Variants in NAALADL2 observed in about 807,000 individuals in gnomAD.
NAALADL2 encodes the protein inactive N-acetylated-alpha-linked acidic dipeptidase-like protein 2.
A neutral mutation model predicts 87.2 loss-of-function variants in NAALADL2; 76 were observed. That is an observed-to-expected ratio of 0.87 (90% CI 0.72 to 1.05). The LOEUF is 1.05. Ranked by LOEUF, NAALADL2 falls within the 50% of genes least tolerant of loss-of-function variation. The probability of loss-of-function intolerance (pLI) is 0.00; values close to 1 mark genes in which losing one functional copy is unlikely to be tolerated. For missense variants in NAALADL2, 1,089 were observed against 945.8 expected, an observed-to-expected ratio of 1.15 and a Z score of -1.99; for synonymous variants, 354 against 331.0, an observed-to-expected ratio of 1.07 and a Z score of -0.75.
At chr3:174,934,057 T>C (rs184868656) in intron 1 of NAALADL2, among the ~76,000 whole-genome samples, 54 of 152,242 alleles carry the variant, frequency 3.5e-4, no homozygotes, top group Admixed American at 5.9e-4. Flanking sequence ...TTAAATAATA[T>C]CTGTAAATGA....
intron 1 of NAALADL2, among the ~76,000 whole-genome samples, chr3:174,498,802 C>T (rs1333715246): frequency 6.6e-6 from 1 of 151,574 alleles, no homozygotes; most frequent in Non-Finnish European, 1.5e-5. Flanking sequence ...TAGTGGTATC[C>T]CTTTGTGGTT....
intron 1 of NAALADL2, among the ~76,000 whole-genome samples, chr3:175,093,816 A>G (rs915635125): frequency 1.3e-5 from 2 of 151,888 alleles, no homozygotes; most frequent in African/African-American, 4.8e-5. Context: ...AAGTGGTAGT[A>G]AGGGTGTCAG....
intron 1 of NAALADL2, among the ~76,000 whole-genome samples, chr3:174,550,121 G>GA: frequency 6.6e-6 from 1 of 152,038 alleles, no homozygotes; most frequent in East Asian, 1.9e-4. Context: ...AAATGTTAAT[G>GA]AAAAGCAATC....
chr3:174,841,944 G>C (rs1300122453), intron 3 of NAALADL2, among the ~76,000 whole-genome samples: 2 of 151,652 alleles, frequency 1.3e-5, no homozygotes, highest in East Asian at 3.9e-4. Context: ...ACAATTAATC[G>C]TTATATGTAA....
intron 1 of NAALADL2, among the ~76,000 whole-genome samples, chr3:174,921,134 CAT>C (rs369389600): frequency 1.7e-4 from 26 of 152,224 alleles, no homozygotes; most frequent in African/African-American, 5.3e-4. Context: ...GAAATGAGCA[CAT>C]GCTATTGGAA....
intron 3 of NAALADL2, among the ~76,000 whole-genome samples, chr3:174,778,541 G>A (rs520771): frequency 0.28 from 43,109 of 151,732 alleles, 6,231 homozygotes; most frequent in Middle Eastern, 0.34. Context: ...GTGCAGGTTT[G>A]TTACATGGGT....
At position 175,471,688 on chromosome 3, in the gene NAALADL2, ACAGTCC is replaced by A; in HGVS notation, c.1586_1591del (p.Ser529_Pro530del). On this transcript the variant is annotated inframe_deletion, in exon 9 of 14. Coordinates refer to ENST00000454872, the MANE Select transcript of NAALADL2 (RefSeq NM_207015.3). ...AATGTTGTGGCTTATATTAGCCTCC[ACAGTCC>A]CATAAGGGGGAACTCTAGTCTGTAT... is the stretch of plus-strand genomic sequence containing the variant. The A allele has an allele frequency of 1.3e-6, 2 of 1,586,062 alleles. No individual in the cohort carries two copies. Among genetic ancestry groups the A allele is most frequent in the Admixed American group, 1.7e-5 (1 of 58,938 alleles).
At chr3:175,714,442 G>A (rs1302426943) in intron 11 of NAALADL2, among the ~76,000 whole-genome samples, 1 of 152,030 alleles carries the variant, frequency 6.6e-6, no homozygotes, top group Non-Finnish European at 1.5e-5. Flanking sequence ...AGGAGATGGT[G>A]TCTCATTGTG....
At chr3:174,679,780 T>C (rs891563086) in intron 2 of NAALADL2, among the ~76,000 whole-genome samples, 1 of 152,332 alleles carries the variant, frequency 6.6e-6, no homozygotes, top group East Asian at 1.9e-4. Context: ...TAAAATAATA[T>C]ATTGCAAAAT....
At chr3:174,645,829 G>A (rs1723723618) in intron 2 of NAALADL2, among the ~76,000 whole-genome samples, 1 of 152,104 alleles carries the variant, frequency 6.6e-6, no homozygotes, top group Admixed American at 6.5e-5. Flanking sequence ...GATTCAGAAT[G>A]ATATTGCCAT....
upstream of NAALADL2, among the ~76,000 whole-genome samples, chr3:174,855,491 T>C (rs570374769): frequency 6.6e-6 from 1 of 152,256 alleles, no homozygotes; most frequent in Admixed American, 6.5e-5. Flanking sequence ...ACTCTTAATG[T>C]TTTGCTCTTG....
At chr3:175,564,107 C>G (rs1253203385) in intron 9 of NAALADL2, among the ~76,000 whole-genome samples, 1 of 152,038 alleles carries the variant, frequency 6.6e-6, no homozygotes, top group Admixed American at 6.5e-5. Flanking sequence ...CATCCTTTTG[C>G]CCTTCTGTTT....
chr3:174,694,900 C>T (rs1486153342), intron 2 of NAALADL2, among the ~76,000 whole-genome samples: 1 of 151,982 alleles, frequency 6.6e-6, no homozygotes. Context: ...CCAACAAGCC[C>T]TCTCCCAAAT....
At chr3:175,463,731 A>AGG (rs57664387) in intron 7 of NAALADL2, among the ~76,000 whole-genome samples, 1 of 151,758 alleles carries the variant, frequency 6.6e-6, no homozygotes, top group African/African-American at 2.4e-5. Context: ...AGAGAGAGAG[A>AGG]GAGAGGTGGG....
intron 5 of NAALADL2, among the ~76,000 whole-genome samples, chr3:175,414,318 T>C (rs1264554556): frequency 6.6e-6 from 1 of 152,190 alleles, no homozygotes; most frequent in Non-Finnish European, 1.5e-5. Context: ...GATGCTCATG[T>C]ATTTTTAGTA....
intron 9 of NAALADL2, among the ~76,000 whole-genome samples, chr3:175,518,053 T>C (rs1388056742): frequency 6.6e-6 from 1 of 152,204 alleles, no homozygotes; most frequent in Non-Finnish European, 1.5e-5. Context: ...GTTTTGAACA[T>C]GCCTAGTCCC....
chr3:174,580,997 A>T (rs865989707), intron 2 of NAALADL2, among the ~76,000 whole-genome samples: 10 of 152,156 alleles, frequency 6.6e-5, no homozygotes, highest in African/African-American at 2.4e-4. Flanking sequence ...TCTCACCAAC[A>T]CTTGTTATGG....
chr3:175,334,247 TAGAC>T (rs957828661), intron 5 of NAALADL2, among the ~76,000 whole-genome samples: 1 of 151,764 alleles, frequency 6.6e-6, no homozygotes, highest in African/African-American at 2.4e-5. Flanking sequence ...GTAGATTAGA[TAGAC>T]AGATAGATAG....
intron 2 of NAALADL2, among the ~76,000 whole-genome samples, chr3:174,559,755 G>T (rs929926305): frequency 8.5e-5 from 13 of 152,098 alleles, no homozygotes; most frequent in African/African-American, 2.9e-4. Flanking sequence ...TATAAGGGTG[G>T]TAATTCCATT....
Sources: gnomAD v4.1 joint callset for allele counts (sites outside exome capture counted in the v4.1 genomes callset) on GRCh38, gnomAD v4.1.1 for gene constraint, MANE v1.5 for transcripts, NCBI Gene and HGNC (gene_info 2026-07-23, HGNC 2026-07-21) for gene names.